PCSK2: variants seen among roughly 807,000 people sequenced by gnomAD.
The protein encoded by PCSK2 is neuroendocrine convertase 2.
In PCSK2, 14 loss-of-function variants were observed where a neutral mutation model predicts 69.7. The ratio of observed to expected loss-of-function variants is 0.20; its 90% CI spans 0.13 to 0.31. PCSK2 has a LOEUF of 0.31. Ranked by LOEUF, PCSK2 falls within the 10% of genes least tolerant of loss-of-function variation. PCSK2 has a pLI of 1.00. For missense variants in PCSK2, 544 were observed against 842.5 expected (o/e 0.65, Z 4.39); for synonymous variants, 307 against 320.7 (o/e 0.96, Z 0.46).
At chr20:17,320,965 T>C (rs911423198) in intron 2 of PCSK2, among the ~76,000 whole-genome samples, 2 of 152,134 alleles carry the variant, frequency 1.3e-5, no homozygotes, top group African/African-American at 4.8e-5. Context: ...AGCAACACAT[T>C]AGTAAAACAA....
chr20:17,396,111 ATTGAC>A (rs1474308307), intron 5 of PCSK2, among the ~76,000 whole-genome samples: 1 of 152,176 alleles, frequency 6.6e-6, no homozygotes, highest in East Asian at 1.9e-4. Context: ...GGAAACACAA[ATTGAC>A]TTGTACCTCA....
At chr20:17,245,571 A>T (rs1054725811) in intron 1 of PCSK2, among the ~76,000 whole-genome samples, 1 of 152,104 alleles carries the variant, frequency 6.6e-6, no homozygotes, top group Non-Finnish European at 1.5e-5. Flanking sequence ...TGCTCCAAAG[A>T]GCTTGGACCT....
intron 1 of PCSK2, among the ~76,000 whole-genome samples, chr20:17,243,804 A>G (rs1986673322): frequency 6.6e-6 from 1 of 152,228 alleles, no homozygotes; most frequent in Non-Finnish European, 1.5e-5. Flanking sequence ...ATCCCAATTG[A>G]GAGACAGTCT....
chr20:17,267,822 G>C (rs1340934), intron 2 of PCSK2, among the ~76,000 whole-genome samples: 73,803 of 151,654 alleles, frequency 0.49, 18,110 homozygotes, highest in East Asian at 0.66. Context: ...CCCTGGTATA[G>C]AGAAAAGTTA....
At chr20:17,442,353 G>A (rs2032615515) in intron 8 of PCSK2, among the ~76,000 whole-genome samples, 1 of 151,942 alleles carries the variant, frequency 6.6e-6, no homozygotes, top group Admixed American at 6.6e-5. Flanking sequence ...CTCAGTTTGT[G>A]GTCCTTTGGT....
chr20:17,337,742 T>C (rs947605024), intron 2 of PCSK2, among the ~76,000 whole-genome samples: 2 of 151,750 alleles, frequency 1.3e-5, no homozygotes, highest in African/African-American at 2.4e-5. Context: ...CTGGGCAGTA[T>C]AGGGAGACCT....
Position 17,481,652 on chromosome 20 carries a change from T to G in PCSK2, c.1499T>G (p.Phe500Cys). Residue 500 changes from phenylalanine to cysteine, a missense_variant, in exon 12 of 12, where the codon TTT becomes TGT. By Grantham distance (205) the Phe-to-Cys change is radical. Around this residue, in one of 3 missense-constraint regions of PCSK2, gnomAD observed 200 missense variants for 287.8 expected, o/e 0.69. Coordinates refer to ENST00000262545, the MANE Select transcript of PCSK2 (RefSeq NM_002594.5). ...TTDACEGKEN[F>C]VRYLEHVQAV... ...GACGCCTGTGAGGGGAAGGAAAATT[T>G]TGTCCGCTACCTGGAGCATGTCCAG... is the stretch of plus-strand genomic sequence containing the variant. The G allele has an allele frequency of 6.2e-7, 1 of 1,614,110 alleles. No homozygotes were observed. The highest frequency in any genetic ancestry group is 1.6e-4 in the Middle Eastern group (1 of 6,062).
At chr20:17,445,275 G>C (rs1185120901) in intron 8 of PCSK2, among the ~76,000 whole-genome samples, 1 of 152,218 alleles carries the variant, frequency 6.6e-6, no homozygotes, top group Non-Finnish European at 1.5e-5. Context: ...ACTGATTCAT[G>C]AACGTCTTTC....
At chr20:17,229,965 CT>C (rs1287488375) in intron 1 of PCSK2, among the ~76,000 whole-genome samples, 1 of 152,204 alleles carries the variant, frequency 6.6e-6, no homozygotes, top group Non-Finnish European at 1.5e-5. Context: ...TGTATTTCTA[CT>C]TAAAAGGTAA....
intron 2 of PCSK2, among the ~76,000 whole-genome samples, chr20:17,352,020 A>G (rs2030005356): frequency 1.3e-5 from 2 of 152,330 alleles, no homozygotes; most frequent in South Asian, 4.1e-4. Context: ...TACAAAATCA[A>G]CGTGCAAAAA....
intron 2 of PCSK2, among the ~76,000 whole-genome samples, chr20:17,277,704 C>A (rs1292663118): frequency 4.0e-5 from 6 of 150,432 alleles, no homozygotes; most frequent in East Asian, 1.9e-4. Context: ...GCAACAAAAG[C>A]CAAAATTGAC....
chr20:17,415,188 C>A (rs143452246), intron 6 of PCSK2, among the ~76,000 whole-genome samples: 20 of 152,060 alleles, frequency 1.3e-4, no homozygotes, highest in Non-Finnish European at 2.2e-4. Flanking sequence ...CTGGCCAGGG[C>A]AATCAGGCAA....
chr20:17,458,984 C>T (rs945662151), intron 10 of PCSK2, among the ~76,000 whole-genome samples: 4 of 151,632 alleles, frequency 2.6e-5, no homozygotes, highest in African/African-American at 9.7e-5. Context: ...GAGCTAGGCT[C>T]GAGGGGTAGA....
At position 17,429,536 on chromosome 20, in the gene PCSK2, T is replaced by G. The variant is rs1165744265; in HGVS notation, c.709+13T>G. On this transcript the variant is annotated intron_variant, in intron 7 of 11. Transcript: ENST00000262545. Reference sequence around the variant, plus strand: ...TCCAAGGTTGCAGGTAAGCCATCCCTGCCAAACAGAGGCCCCCACTAGGTA... The same window carrying G: ...TCCAAGGTTGCAGGTAAGCCATCCCGGCCAAACAGAGGCCCCCACTAGGTA... 6.3e-7 allele frequency: 1 copy of G among 1,583,190 alleles called. No homozygotes were observed. Among genetic ancestry groups the G allele is most frequent in the East Asian group, 2.2e-5 (1 of 44,714 alleles).
intron 6 of PCSK2, among the ~76,000 whole-genome samples, chr20:17,420,696 G>A (rs1471164859): frequency 2.6e-5 from 4 of 152,186 alleles, no homozygotes; most frequent in East Asian, 1.9e-4. Context: ...GTACTCAGAC[G>A]GCAATCAATA....
intron 2 of PCSK2, among the ~76,000 whole-genome samples, chr20:17,262,635 A>G (rs1490339068): frequency 6.6e-6 from 1 of 152,238 alleles, no homozygotes; most frequent in Non-Finnish European, 1.5e-5. Context: ...CAGTGCAAAG[A>G]TAGTAAACTA....
intron 2 of PCSK2, among the ~76,000 whole-genome samples, chr20:17,322,416 C>A (rs1423712951): frequency 6.6e-6 from 1 of 152,048 alleles, no homozygotes; most frequent in African/African-American, 2.4e-5. Flanking sequence ...AAGGCCCAAC[C>A]CCCCTTCCTC....
chr20:17,370,127 G>C (rs985843028), intron 5 of PCSK2, among the ~76,000 whole-genome samples: 2 of 152,192 alleles, frequency 1.3e-5, no homozygotes, highest in Non-Finnish European at 2.9e-5. Context: ...CAAGATTCAA[G>C]CATTGGTGCG....
intron 6 of PCSK2, among the ~76,000 whole-genome samples, chr20:17,423,615 T>C (rs567912591): frequency 5.4e-5 from 8 of 148,588 alleles, no homozygotes; most frequent in African/African-American, 1.5e-4. Context: ...TTAATAAAGC[T>C]GGCTACATTA....
Sources: allele counts gnomAD v4.1 joint callset (sites outside exome capture counted in the v4.1 genomes callset), GRCh38; gene constraint gnomAD v4.1.1; regional missense constraint gnomAD v4.1.1; transcripts MANE v1.5; gene names NCBI Gene and HGNC (gene_info 2026-07-23, HGNC 2026-07-21).